UQCC1: variants seen among roughly 807,000 people sequenced by gnomAD.
UQCC1 encodes the protein bFGF-repressed Zic-binding protein.
UQCC1 carries 38 observed loss-of-function variants against 48.0 expected under a neutral mutation model. That is an observed-to-expected ratio of 0.79 (90% confidence interval 0.61 to 1.04). The LOEUF is 1.04. Among genes scored for constraint, UQCC1 ranks in the 50% least tolerant of loss-of-function variants. The pLI is 0.00. For missense variants in UQCC1, 368 were observed against 381.8 expected, an observed-to-expected ratio of 0.96 and a Z score of 0.30; for synonymous variants, 111 against 129.2, an observed-to-expected ratio of 0.86 and a Z score of 0.95.
intron 6 of UQCC1, among the ~76,000 whole-genome samples, chr20:35,358,772 C>T (rs1414003938): frequency 1.3e-5 from 2 of 152,128 alleles, no homozygotes; most frequent in East Asian, 1.9e-4. Context: ...GTTGGTCAGG[C>T]TGGTCTCAAA....
At position 35,375,885 on chromosome 20, in the gene UQCC1, G is replaced by A. The variant is rs2061791533; in HGVS notation, c.334-1629C>T. 2.7e-5 allele frequency among the ~76,000 whole-genome samples: 4 copies of A among 150,740 alleles called. No homozygotes were observed. The South Asian group carries it at 8.4e-4, about 31-fold the overall frequency. On this transcript the variant is annotated intron_variant, in intron 4 of 9. Coordinates refer to ENST00000374385, the MANE Select transcript of UQCC1 (RefSeq NM_018244.5). ...AGGAGGCTGAGCCTGGAAGGCGGAG[G>A]TTGCAGCAAGCTGAGATCACGCCAC...
intron 6 of UQCC1, among the ~76,000 whole-genome samples, chr20:35,365,226 A>T (rs541183662): frequency 1.3e-5 from 2 of 152,190 alleles, no homozygotes; most frequent in Admixed American, 6.5e-5. Context: ...TATATAACTT[A>T]GGCATTCTGA....
At chr20:35,389,726 T>C (rs1435225982) in intron 2 of UQCC1, among the ~76,000 whole-genome samples, 2 of 152,288 alleles carry the variant, frequency 1.3e-5, no homozygotes, top group African/African-American at 4.8e-5. Flanking sequence ...AATGTAGGAA[T>C]GATGGAAATA....
intron 3 of UQCC1, among the ~76,000 whole-genome samples, chr20:35,383,050 C>T (rs969852308): frequency 2.0e-5 from 3 of 152,040 alleles, no homozygotes; most frequent in African/African-American, 7.2e-5. Flanking sequence ...GTAAAACATT[C>T]TATGCTTATT....
chr20:35,374,286 G>C, intron 4 of UQCC1, 30 bp from the exon 5 acceptor site: 1 of 1,553,732 alleles, frequency 6.4e-7, no homozygotes, highest in Non-Finnish European at 8.8e-7. Flanking sequence ...CCAAACTCAA[G>C]ACATGACCAA....
intron 7 of UQCC1, among the ~76,000 whole-genome samples, chr20:35,340,994 C>A (rs1262254286): frequency 6.6e-6 from 1 of 151,794 alleles, no homozygotes; most frequent in African/African-American, 2.4e-5. Flanking sequence ...TTTGGAAGGC[C>A]GAGAAGGGCG....
In UQCC1 at chr20:35,372,867, C is replaced by G. The variant is rs528420696; in HGVS notation, c.406+1317G>C. On this transcript the variant is annotated intron_variant, in intron 5 of 9. Transcript: ENST00000374385. ...CTGGGCAATAGAGCAAGACTCAAAG[C>G]AAGTCTCAAAAAACACGATGCAACA... is the stretch of plus-strand genomic sequence containing the variant. 3.3e-5 allele frequency among the ~76,000 whole-genome samples: 5 copies of G among 152,258 alleles called. No individual in the cohort carries two copies. The East Asian group carries it at 5.8e-4, about 18-fold the overall frequency.
chr20:35,313,374 TAAAAA>T (rs1182863735), intron 8 of UQCC1, among the ~76,000 whole-genome samples: 39 of 45,486 alleles, frequency 8.6e-4, no homozygotes, highest in African/African-American at 3.5e-3. Flanking sequence ...AGACTCTGTC[TAAAAA>T]AAAAAAAAAA....
At chr20:35,309,257 A>G in intron 8 of UQCC1, 1 of 435,642 alleles carries the variant, frequency 2.3e-6, no homozygotes, top group Middle Eastern at 4.9e-4. Context: ...ACATGGCGAA[A>G]CTGTTTCCAC....
chr20:35,332,680 A>C (rs1201575602), intron 7 of UQCC1, among the ~76,000 whole-genome samples: 1 of 152,250 alleles, frequency 6.6e-6, no homozygotes, highest in Admixed American at 6.5e-5. Flanking sequence ...GGTTACAAAG[A>C]AAATGGTCAG....
chr20:35,399,719 T>C (rs1452355203), intron 1 of UQCC1, among the ~76,000 whole-genome samples: 1 of 151,486 alleles, frequency 6.6e-6, no homozygotes, highest in Non-Finnish European at 1.5e-5. Flanking sequence ...TAGCCGGGCG[T>C]GGTGGCAGGT....
Position 35,394,121 on chromosome 20 carries a change from CCT to C in UQCC1, c.98_99del (p.Gln33ArgfsTer35), listed in dbSNP as rs748089817. 12 of 1,613,902 alleles carry C rather than the reference CCT, an allele frequency of 7.4e-6. No individual in the cohort carries two copies. Among genetic ancestry groups the C allele is most frequent in the South Asian group, 2.2e-5 (2 of 91,080 alleles). On this transcript the variant is annotated frameshift_variant, in exon 2 of 10. Transcript: ENST00000374385. LOFTEE classifies it high-confidence loss of function. ...GAAGTGCGAGACAGAGCCCTGTCCCCCTGTCCTTGGGTAGGAGACACAGGTAT... is the reference window on the plus strand; with the variant it reads ...GAAGTGCGAGACAGAGCCCTGTCCCCGTCCTTGGGTAGGAGACACAGGTAT... ...RLIPVSPTQG[Q>X]GDRALSRTSQ... is the part of the protein sequence containing the mutation.
rs542679596 is a variant in UQCC1, at chr20:35,400,481, CA to C, written c.25-6286del. Among the ~76,000 whole-genome samples the C allele has an allele frequency of 2.4e-4, 36 of 147,488 alleles. 2 individuals are homozygous for C. The South Asian group carries it at 6.2e-3, about 25-fold the overall frequency. ...TTTTGCCTTTCCAACACTTCAAAAC[CA>C]AAAAAAAAATTTTTTTCTTTTTTTT... On this transcript the variant is annotated intron_variant, in intron 1 of 9. Coordinates refer to ENST00000374385, the MANE Select transcript of UQCC1 (RefSeq NM_018244.5).
chr20:35,386,860 CACACCT>C (rs573837690), intron 2 of UQCC1, among the ~76,000 whole-genome samples: 46 of 151,880 alleles, frequency 3.0e-4, no homozygotes, highest in Admixed American at 2.6e-3. Flanking sequence ...CTAGTTTCTC[CACACCT>C]ACACACTTAT....
intron 7 of UQCC1, among the ~76,000 whole-genome samples, chr20:35,333,117 T>C (rs1179258787): frequency 6.9e-6 from 1 of 144,432 alleles, no homozygotes; most frequent in Non-Finnish European, 1.5e-5. Flanking sequence ...AAAGAGCCAA[T>C]TTTTTTTTTT....
At chr20:35,322,509 C>T (rs867216666) in intron 7 of UQCC1, among the ~76,000 whole-genome samples, 6 of 151,914 alleles carry the variant, frequency 3.9e-5, no homozygotes, top group Non-Finnish European at 5.9e-5. Context: ...TGAGGTGGGC[C>T]GATAACCTGA....
At chr20:35,385,518 T>C (rs369786580) in intron 2 of UQCC1, among the ~76,000 whole-genome samples, 1 of 152,178 alleles carries the variant, frequency 6.6e-6, no homozygotes, top group Non-Finnish European at 1.5e-5. Flanking sequence ...TTTTTGTTTT[T>C]TGAGACAAGG....
At chr20:35,401,658 C>CTTTTTTT (rs142034321) in intron 1 of UQCC1, among the ~76,000 whole-genome samples, 14 of 117,978 alleles carry the variant, frequency 1.2e-4, no homozygotes, top group African/African-American at 4.4e-4. Context: ...TGAAATCCAC[C>CTTTTTTT]TTTTTTTTTT....
chr20:35,385,742 T>C (rs1410501638), intron 2 of UQCC1, among the ~76,000 whole-genome samples: 1 of 151,880 alleles, frequency 6.6e-6, no homozygotes, highest in Non-Finnish European at 1.5e-5. Flanking sequence ...CTCAAGTGAG[T>C]GATCTTCCTG....
Sources: gnomAD v4.1 joint callset for allele counts (sites outside exome capture counted in the v4.1 genomes callset) on GRCh38, gnomAD v4.1.1 for gene constraint, MANE v1.5 for transcripts, NCBI Gene and HGNC (gene_info 2026-07-23, HGNC 2026-07-21) for gene names.